SLC24A2: variants seen among roughly 807,000 people sequenced by gnomAD.
SLC24A2 encodes the protein sodium/potassium/calcium exchanger 2.
Under a neutral mutation model 62.0 loss-of-function variants are expected in SLC24A2, and 36 were observed. The ratio of observed to expected loss-of-function variants is 0.58; its 90% CI spans 0.44 to 0.77. The LOEUF is 0.77. Ranked by LOEUF, SLC24A2 falls within the 30% of genes least tolerant of loss-of-function variation. The pLI is 0.00. For synonymous variants in SLC24A2, 358 were observed against 294.0 expected, an observed-to-expected ratio of 1.22 and a Z score of -2.23; for missense variants, 846 against 817.9, an observed-to-expected ratio of 1.03 and a Z score of -0.42.
At chr9:19,886,698 C>T in the SLC24A2 span, among the ~76,000 whole-genome samples, 2 of 152,188 alleles carry the variant, frequency 1.3e-5, no homozygotes, top group Non-Finnish European at 2.9e-5. Context: ...AATCCCATTA[C>T]TGGGTATATA....
At chr9:20,186,324 C>T in the SLC24A2 span, among the ~76,000 whole-genome samples, 2 of 152,166 alleles carry the variant, frequency 1.3e-5, no homozygotes, top group African/African-American at 4.8e-5. Context: ...TATCTCTGAA[C>T]ACTTATCTCT....
chr9:19,760,707 T>C lies in SLC24A2; in HGVS notation c.930+25230A>G, dbSNP rs550025417. Reference sequence around the variant, plus strand: ...CAAAGGACATTAAGTCAGTCTTTTTTATGGCTGCATAGTATTCCATGGTGT... The same window carrying C: ...CAAAGGACATTAAGTCAGTCTTTTTCATGGCTGCATAGTATTCCATGGTGT... On this transcript the variant is annotated intron_variant, in intron 2 of 10. Transcript: ENST00000341998. Among the ~76,000 whole-genome samples, 300 of 152,294 alleles carry C rather than the reference T, an allele frequency of 2.0e-3. 1 individual carries two copies. The highest frequency in any genetic ancestry group is 3.6e-3 in the Non-Finnish European group (246 of 68,030).
chr9:19,638,405 A>T (rs1303855540), intron 2 of SLC24A2, among the ~76,000 whole-genome samples: 1 of 152,202 alleles, frequency 6.6e-6, no homozygotes, highest in Non-Finnish European at 1.5e-5. Context: ...TTGGCAGATG[A>T]TTATAACACT....
At chr9:20,062,378 A>G in the SLC24A2 span, among the ~76,000 whole-genome samples, 1 of 122,674 alleles carries the variant, frequency 8.2e-6, no homozygotes, top group East Asian at 3.1e-4. Context: ...CCTGAGAAAA[A>G]CAAGCAATGG....
At chr9:19,891,589 C>T in the SLC24A2 span, among the ~76,000 whole-genome samples, 12,206 of 151,958 alleles carry the variant, frequency 0.08, 638 homozygotes, top group East Asian at 0.25. Context: ...TTTAAATTAC[C>T]AGCTCTCTGG....
the SLC24A2 span, among the ~76,000 whole-genome samples, chr9:20,276,483 C>A: frequency 1.3e-5 from 2 of 152,350 alleles, no homozygotes; most frequent in Non-Finnish European, 2.9e-5. Context: ...CTCCTGGCTG[C>A]TTTCATGGGC....
chr9:19,816,525 T>C, the SLC24A2 span, among the ~76,000 whole-genome samples: 27 of 152,110 alleles, frequency 1.8e-4, 1 homozygote, highest in South Asian at 4.1e-4. Flanking sequence ...TATTACACCA[T>C]GCTTGCATTG....
chr9:19,518,928 A>T lies in SLC24A2; in HGVS notation c.1736+1966T>A, dbSNP rs1054261796. Reference sequence around the variant, plus strand: ...ACAAGACATGTCAATACCCATTAAGATGTTCAAAATATTTAGTTCATTAAT... The same window carrying T: ...ACAAGACATGTCAATACCCATTAAGTTGTTCAAAATATTTAGTTCATTAAT... On this transcript the variant is annotated intron_variant, in intron 10 of 10. Coordinates refer to ENST00000341998, the MANE Select transcript of SLC24A2 (RefSeq NM_020344.4). Among the ~76,000 whole-genome samples, 6 of 152,208 alleles carry T rather than the reference A, an allele frequency of 3.9e-5. No individual in the cohort carries two copies. The East Asian group carries it at 9.6e-4, about 24-fold the overall frequency.
At chr9:19,781,599 A>T (rs551379726) in intron 2 of SLC24A2, among the ~76,000 whole-genome samples, 33 of 152,322 alleles carry the variant, frequency 2.2e-4, no homozygotes, top group Middle Eastern at 6.8e-3. Context: ...GGATAAGTAG[A>T]GGGAAACAAA....
At chr9:20,184,624 A>C in the SLC24A2 span, among the ~76,000 whole-genome samples, 1 of 152,216 alleles carries the variant, frequency 6.6e-6, no homozygotes, top group African/African-American at 2.4e-5. Flanking sequence ...GAGGTTGTGA[A>C]GGAAAGGAAG....
chr9:20,015,244 G>C, the SLC24A2 span, among the ~76,000 whole-genome samples: 1 of 152,154 alleles, frequency 6.6e-6, no homozygotes, highest in South Asian at 2.1e-4. Flanking sequence ...AAGGAAAGAT[G>C]TACATAAAGT....
At chr9:19,607,436 G>T (rs947004822) in intron 4 of SLC24A2, among the ~76,000 whole-genome samples, 1 of 151,298 alleles carries the variant, frequency 6.6e-6, no homozygotes, top group African/African-American at 2.4e-5. Context: ...TTTTTTTTGG[G>T]CAGGGTGCAG....
intron 8 of SLC24A2, among the ~76,000 whole-genome samples, chr9:19,549,606 A>C (rs902540404): frequency 6.6e-6 from 1 of 152,318 alleles, no homozygotes; most frequent in Middle Eastern, 3.4e-3. Flanking sequence ...GGCCATGTTT[A>C]GGCATTCCAG....
At chr9:20,205,053 A>C in the SLC24A2 span, among the ~76,000 whole-genome samples, 1 of 151,974 alleles carries the variant, frequency 6.6e-6, no homozygotes, top group African/African-American at 2.4e-5. Flanking sequence ...CCAAAAGTAT[A>C]ATTTTTTTTA....
At chr9:19,862,561 C>T in the SLC24A2 span, among the ~76,000 whole-genome samples, 1 of 152,038 alleles carries the variant, frequency 6.6e-6, no homozygotes, top group African/African-American at 2.4e-5. Flanking sequence ...AACACTGCAA[C>T]TGTGGTGTAT....
At position 19,559,667 on chromosome 9, in the gene SLC24A2, C is replaced by T. The variant is rs184234040; in HGVS notation, c.1348-9399G>A. On this transcript the variant is annotated intron_variant, in intron 7 of 10. Transcript: ENST00000341998. ...ACTATTTGCCAAATGAAAGGTGCCC[C>T]CCCAGAAACATTCCATAGAACACTC... Among the ~76,000 whole-genome samples the T allele has an allele frequency of 7.0e-4, 107 of 152,216 alleles. 2 individuals are homozygous for T. The South Asian group carries it at 9.3e-3, about 13-fold the overall frequency.
chr9:20,190,119 A>G, the SLC24A2 span, among the ~76,000 whole-genome samples: 48 of 152,136 alleles, frequency 3.2e-4, no homozygotes, highest in Non-Finnish European at 1.5e-4. Context: ...TGAACCCGCA[A>G]CACTCCCTGC....
chr9:19,642,671 CTTTTT>C (rs71335440), intron 2 of SLC24A2, among the ~76,000 whole-genome samples: 11 of 79,850 alleles, frequency 1.4e-4, no homozygotes, highest in African/African-American at 4.3e-4. Context: ...AGAGCGTATT[CTTTTT>C]TTTTTTTTTT....
the SLC24A2 span, among the ~76,000 whole-genome samples, chr9:19,823,596 TCC>T: frequency 4.1e-4 from 63 of 151,808 alleles, no homozygotes; most frequent in African/African-American, 1.5e-3. Flanking sequence ...ACCACTGCAC[TCC>T]AGCCTGGCAA....
Sources: gnomAD v4.1 joint callset for allele counts (sites outside exome capture counted in the v4.1 genomes callset) on GRCh38, gnomAD v4.1.1 for gene constraint, MANE v1.5 for transcripts, NCBI Gene and HGNC (gene_info 2026-07-23, HGNC 2026-07-21) for gene names.